Variants in OSBPL1A observed in about 807,000 individuals in gnomAD.
The protein encoded by OSBPL1A is oxysterol binding protein like 1A, also known as oxysterol-binding protein-related protein 1.
OSBPL1A carries 80 observed loss-of-function variants against 137.1 expected under a neutral mutation model. The ratio of observed to expected loss-of-function variants is 0.58; its 90% confidence interval spans 0.49 to 0.70. The LOEUF is 0.70. Ranked by LOEUF, OSBPL1A falls within the 30% of genes least tolerant of loss-of-function variation. The probability of loss-of-function intolerance (pLI) is 0.00; values close to 1 mark genes in which losing one functional copy is unlikely to be tolerated. For synonymous variants in OSBPL1A, 365 were observed against 389.7 expected, an observed-to-expected ratio of 0.94 and a Z score of 0.75; for missense variants, 970 against 1,129.4, an observed-to-expected ratio of 0.86 and a Z score of 2.02.
At chr18:24,197,068 C>CTGGTCT (rs2087056057) in intron 17 of OSBPL1A, among the ~76,000 whole-genome samples, 2 of 152,182 alleles carry the variant, frequency 1.3e-5, no homozygotes, top group African/African-American at 2.4e-5. Flanking sequence ...CAGTTGCTGG[C>CTGGTCT]CGGGTGTGGT....
At chr18:24,240,395 T>G (rs2088655236) in intron 15 of OSBPL1A, among the ~76,000 whole-genome samples, 1 of 152,230 alleles carries the variant, frequency 6.6e-6, no homozygotes, top group Admixed American at 6.5e-5. Context: ...CTGAACCTTT[T>G]GGTTGACCAA....
chr18:24,298,970 T>C (rs761277144), intron 14 of OSBPL1A, among the ~76,000 whole-genome samples: 10 of 152,252 alleles, frequency 6.6e-5, no homozygotes, highest in Non-Finnish European at 1.5e-4. Flanking sequence ...TTGATCCTTT[T>C]ACCATTATGT....
At chr18:24,268,849 G>A (rs901965451) in intron 15 of OSBPL1A, among the ~76,000 whole-genome samples, 82 of 152,270 alleles carry the variant, frequency 5.4e-4, no homozygotes, top group African/African-American at 1.9e-3. Flanking sequence ...GACTCCCAAT[G>A]CTAATGATTC....
chr18:24,298,470 C>T (rs958259513), intron 14 of OSBPL1A, among the ~76,000 whole-genome samples: 1 of 152,220 alleles, frequency 6.6e-6, no homozygotes, highest in African/African-American at 2.4e-5. Context: ...CCTCAGCCCC[C>T]CAGTAGCTGG....
At chr18:24,365,583 CAAA>C (rs879374674) in intron 4 of OSBPL1A, among the ~76,000 whole-genome samples, 3 of 94,566 alleles carry the variant, frequency 3.2e-5, no homozygotes. Context: ...GACTCGGTCT[CAAA>C]AAAAAAAAAA....
intron 17 of OSBPL1A, among the ~76,000 whole-genome samples, chr18:24,207,730 C>A (rs76901754): frequency 6.6e-6 from 1 of 152,122 alleles, no homozygotes; most frequent in African/African-American, 2.4e-5. Flanking sequence ...ATACTTATCA[C>A]CTCTCTTCTC....
At position 24,271,330 on chromosome 18, in the gene OSBPL1A, A is replaced by C. The variant is rs1297059263; in HGVS notation, c.1281+9512T>G. ...TCCAGCCCTTCTTGACCTAATACCA[A>C]TATTCAACTGAGAAACACATCAGTC... On this transcript the variant is annotated intron_variant, in intron 15 of 27. Coordinates refer to ENST00000319481, the MANE Select transcript of OSBPL1A (RefSeq NM_080597.4). This position sits in a 1 kb window ranked among gnomAD's most constrained non-coding sequence, Gnocchi z 4.0. Among the ~76,000 whole-genome samples the C allele has an allele frequency of 6.6e-6, 1 of 152,162 alleles. No homozygotes were observed. The highest frequency in any genetic ancestry group is 1.9e-4 in the East Asian group (1 of 5,182).
chr18:24,245,448 G>A (rs2088853892), intron 15 of OSBPL1A, among the ~76,000 whole-genome samples: 1 of 152,096 alleles, frequency 6.6e-6, no homozygotes, highest in Admixed American at 6.6e-5. Flanking sequence ...CTTTTTTCAC[G>A]GTATGTGCTT....
At chr18:24,365,933 T>C (rs1349808468) in intron 4 of OSBPL1A, among the ~76,000 whole-genome samples, 3 of 152,156 alleles carry the variant, frequency 2.0e-5, no homozygotes, top group South Asian at 2.1e-4. Flanking sequence ...ATACCAGCTA[T>C]GTGTCCTTCA....
intron 4 of OSBPL1A, among the ~76,000 whole-genome samples, chr18:24,354,068 A>C (rs1397802633): frequency 6.6e-6 from 1 of 152,126 alleles, no homozygotes; most frequent in Non-Finnish European, 1.5e-5. Context: ...AAAGTATAAT[A>C]ATAATAAAAT....
intron 16 of OSBPL1A, among the ~76,000 whole-genome samples, chr18:24,227,821 G>T (rs532021425): frequency 6.6e-6 from 1 of 151,992 alleles, no homozygotes; most frequent in Non-Finnish European, 1.5e-5. Context: ...AAATAATTTC[G>T]TCTGTACTGG....
rs180963027 is a variant in OSBPL1A at position 24,317,142 on chromosome 18, A to T, written c.870+7T>A. The T allele has an allele frequency of 4.3e-6, 7 of 1,613,810 alleles. No homozygotes were observed. In the Admixed American group the frequency reaches 1.0e-4, roughly 23 times the overall value. Reference sequence around the variant, plus strand: ...TAGAGGAGCAAATGATCCATGTTTCATCCTACCGTGCATACTGCTTGAGTC... The same window carrying T: ...TAGAGGAGCAAATGATCCATGTTTCTTCCTACCGTGCATACTGCTTGAGTC... On this transcript the variant is annotated splice_region_variant and intron_variant, in intron 11 of 27. Transcript: ENST00000319481.
At chr18:24,366,826 G>T in intron 4 of OSBPL1A, 66 bp downstream of exon 4, 1 of 1,492,356 alleles carries the variant, frequency 6.7e-7, no homozygotes. Flanking sequence ...TTATAACAGA[G>T]AAAACAATGG....
chr18:24,261,866 T>G (rs1374491578), intron 15 of OSBPL1A, among the ~76,000 whole-genome samples: 2 of 152,034 alleles, frequency 1.3e-5, no homozygotes, highest in Admixed American at 6.6e-5. Flanking sequence ...AATAAAAAAT[T>G]TTTTCAAAGA....
chr18:24,281,010 C>A, intron 14 of OSBPL1A, 62 bp from the exon 15 acceptor site: 1 of 1,054,344 alleles, frequency 9.5e-7, no homozygotes, highest in African/African-American at 1.6e-5. Context: ...TAAACTAAGA[C>A]CACAAAAATA....
At chr18:24,339,503 A>G (rs1256646219) in intron 5 of OSBPL1A, among the ~76,000 whole-genome samples, 1 of 152,208 alleles carries the variant, frequency 6.6e-6, no homozygotes, top group Non-Finnish European at 1.5e-5. Context: ...AAGTCAACTA[A>G]GCCCTTTTTC....
chr18:24,320,142 C>T (rs2090820760), intron 7 of OSBPL1A, among the ~76,000 whole-genome samples: 1 of 151,852 alleles, frequency 6.6e-6, no homozygotes, highest in African/African-American at 2.4e-5. Flanking sequence ...TTATAAATAC[C>T]AAACATCTGG....
chr18:24,250,212 C>T (rs1006369108), intron 15 of OSBPL1A, among the ~76,000 whole-genome samples: 13 of 147,986 alleles, frequency 8.8e-5, no homozygotes, highest in Admixed American at 2.0e-4. Context: ...AGTCTCACTC[C>T]GTCGCCCAGA....
At chr18:24,315,509 A>T (rs2090702710) in intron 11 of OSBPL1A, among the ~76,000 whole-genome samples, 1 of 149,824 alleles carries the variant, frequency 6.7e-6, no homozygotes, top group Non-Finnish European at 1.5e-5. Context: ...CTTAACAGAG[A>T]AAAACAACAG....
Sources: allele counts gnomAD v4.1 joint callset (sites outside exome capture counted in the v4.1 genomes callset), GRCh38; gene constraint gnomAD v4.1.1; non-coding constraint Gnocchi (gnomAD v3.1); transcripts MANE v1.5; gene names NCBI Gene and HGNC (gene_info 2026-07-23, HGNC 2026-07-21).